The following EFCAB5 variants were observed in gnomAD, a reference collection of about 807,000 sequenced individuals.
EFCAB5 encodes EF-hand calcium binding domain 5, also known as EF-hand calcium-binding domain-containing protein 5.
EFCAB5 carries 131 observed loss-of-function variants against 167.9 expected under a neutral mutation model. The ratio of observed to expected loss-of-function variants is 0.78; its 90% confidence interval spans 0.68 to 0.90. EFCAB5 has a LOEUF of 0.90. Among genes scored for constraint, EFCAB5 ranks in the 40% least tolerant of loss-of-function variants. The pLI is 0.00. For missense variants in EFCAB5, 1,663 were observed against 1,745.2 expected (o/e 0.95, Z 0.84); for synonymous variants, 574 against 602.8 (o/e 0.95, Z 0.70).
At chr17:30,028,903 C>A (rs2069403106) in intron 7 of EFCAB5, among the ~76,000 whole-genome samples, 1 of 152,052 alleles carries the variant, frequency 6.6e-6, no homozygotes, top group Non-Finnish European at 1.5e-5. Flanking sequence ...GATTAGAGCC[C>A]ACCCTATTGA....
chr17:29,983,008 A>T (rs1371762404), intron 4 of EFCAB5, among the ~76,000 whole-genome samples: 1 of 152,248 alleles, frequency 6.6e-6, no homozygotes, highest in Non-Finnish European at 1.5e-5. Context: ...CTTTTGCTGC[A>T]TAACAAAATA....
intron 22 of EFCAB5, among the ~76,000 whole-genome samples, chr17:30,098,360 G>A (rs1173266889): frequency 6.6e-6 from 1 of 151,156 alleles, no homozygotes; most frequent in Non-Finnish European, 1.5e-5. Context: ...CCCTGTCTCT[G>A]CAAAAAACTT....
At chr17:30,099,531 C>T (rs1327391410) in intron 22 of EFCAB5, among the ~76,000 whole-genome samples, 1 of 152,186 alleles carries the variant, frequency 6.6e-6, no homozygotes, top group South Asian at 2.1e-4. Context: ...GTAGAATCAT[C>T]CCTTCATCCC....
At chr17:30,078,113 A>T (rs2070904845) in intron 14 of EFCAB5, 102 bp from the exon 15 acceptor site, 2 of 1,279,814 alleles carry the variant, frequency 1.6e-6, no homozygotes, top group Non-Finnish European at 2.1e-6. Flanking sequence ...CCAGGAGAGC[A>T]GTTGCCCAGG....
chr17:30,065,331 C>T (rs2070534826), intron 14 of EFCAB5, among the ~76,000 whole-genome samples: 1 of 152,056 alleles, frequency 6.6e-6, no homozygotes, highest in African/African-American at 2.4e-5. Context: ...GATTAAATCC[C>T]CCATTTAAAA....
At position 30,054,017 on chromosome 17, in the gene EFCAB5, T is replaced by C; in HGVS notation, c.2063T>C (p.Ile688Thr). 6.2e-7 allele frequency: 1 copy of C among 1,609,456 alleles called. No individual in the cohort carries two copies. The highest frequency in any genetic ancestry group is 8.5e-7 in the Non-Finnish European group (1 of 1,177,342). ...AAAAGTACAAAATATGGGGAACCTA[T>C]AACCTCTGAGTACATTGAAGTCCCT... Reference protein sequence around the residue: ...ILKSTKYGEPITSEYIEVPLQ... With the variant: ...ILKSTKYGEPTTSEYIEVPLQ... Residue 688 changes from isoleucine (I) to threonine (T), a missense_variant, in exon 10 of 23, where the codon ATA becomes ACA. Transcript: ENST00000394835.
intron 18 of EFCAB5, among the ~76,000 whole-genome samples, chr17:30,084,216 C>A (rs137913801): frequency 1.2e-4 from 18 of 152,258 alleles, no homozygotes; most frequent in Non-Finnish European, 2.2e-4. Flanking sequence ...TCAATGAGGG[C>A]AGAATCATGG....
rs925202867 is a variant in EFCAB5 at position 30,057,728 on chromosome 17, A to T, written c.2418A>T (p.Arg806Ser). The change falls in exon 13 of 23, where the codon AGA (arginine) becomes AGT (serine). Residue 806 changes from arginine (R) to serine (S), a missense_variant. By Grantham distance (110) the Arg-to-Ser change is moderately radical. Coordinates refer to ENST00000394835, the MANE Select transcript of EFCAB5 (RefSeq NM_198529.4). ...NIQSCKEVKG[R>S]TAFNGVSFNL... ...AGTCTTGCAAGGAGGTAAAAGGCAG[A>T]ACTGCCTTCAATGGAGTTTCATTCA... 18 of 1,613,720 alleles carry T rather than the reference A, an allele frequency of 1.1e-5. No individual in the cohort carries two copies. The highest frequency in any genetic ancestry group is 1.4e-5 in the Non-Finnish European group (16 of 1,179,746).
intron 7 of EFCAB5, among the ~76,000 whole-genome samples, chr17:30,029,984 G>A (rs2069435781): frequency 6.6e-6 from 1 of 152,130 alleles, no homozygotes; most frequent in African/African-American, 2.4e-5. Context: ...ACTTGACTAA[G>A]TACAGTTCAA....
chr17:30,104,638 C>T (rs1237041116), intron 22 of EFCAB5, among the ~76,000 whole-genome samples: 1 of 151,814 alleles, frequency 6.6e-6, no homozygotes, highest in African/African-American at 2.4e-5. Context: ...TGGGGTCTGT[C>T]GTGGGTCAAG....
In EFCAB5 at chr17:30,034,218, T is replaced by G. The variant is rs943085857; in HGVS notation, c.1045-12T>G. The G allele has an allele frequency of 1.2e-6, 2 of 1,611,776 alleles. No homozygotes were observed. The highest frequency in any genetic ancestry group is 2.7e-5 in the African/African-American group (2 of 74,832). On this transcript the variant is annotated splice_polypyrimidine_tract_variant and intron_variant, in intron 7 of 22. Transcript: ENST00000394835. ...TAAGTCAATCGTTTATCCTCTTTTT[T>G]TTCCCCTGTAGTACATCTCTTCACA...
chr17:29,942,177 G>A, intron 1 of EFCAB5, 63 bp from the exon 2 acceptor site: 10 of 1,354,206 alleles, frequency 7.4e-6, no homozygotes, highest in Non-Finnish European at 9.1e-6. Context: ...ATTAAAGTAT[G>A]AGACAGTAGT....
chr17:30,090,441 C>T lies in EFCAB5; in HGVS notation c.3704C>T (p.Thr1235Ile). The T allele has an allele frequency of 6.2e-7, 1 of 1,613,516 alleles. No individual in the cohort carries two copies. Among genetic ancestry groups the T allele is most frequent in the Admixed American group, 1.7e-5 (1 of 59,872 alleles). ...TTCAGAGATTTCCTCTTTAAATGTA[C>T]TGACAGTTCAGAAGTTGTTCTGGCT... ...CIFRDFLFKC[T>I]DSSEVVLASA... Residue 1235 changes from threonine to isoleucine, a missense_variant, in exon 20 of 23, where the codon ACT becomes ATT. Thr to Ile is a moderately conservative substitution (Grantham distance 89). Coordinates refer to ENST00000394835, the MANE Select transcript of EFCAB5 (RefSeq NM_198529.4).
intron 3 of EFCAB5, among the ~76,000 whole-genome samples, chr17:29,951,999 G>C (rs1310553047): frequency 6.6e-6 from 1 of 152,186 alleles, no homozygotes; most frequent in Non-Finnish European, 1.5e-5. Context: ...AAATAGCATA[G>C]ACTGGGTAAT....
intron 7 of EFCAB5, among the ~76,000 whole-genome samples, chr17:30,020,428 G>A (rs933494218): frequency 1.4e-5 from 2 of 145,534 alleles, no homozygotes; most frequent in African/African-American, 2.5e-5. Flanking sequence ...GCAATGGCAT[G>A]ATCTCGATTC....
At chr17:30,004,358 C>T (rs992002562) in intron 7 of EFCAB5, among the ~76,000 whole-genome samples, 4 of 152,186 alleles carry the variant, frequency 2.6e-5, no homozygotes, top group Non-Finnish European at 1.5e-5. Context: ...CATAAAGATC[C>T]AATTTCCCCA....
At chr17:30,043,486 A>T (rs898345981) in intron 8 of EFCAB5, among the ~76,000 whole-genome samples, 33 of 152,198 alleles carry the variant, frequency 2.2e-4, no homozygotes. Flanking sequence ...AATCTCAAGA[A>T]AAAAGTTGAA....
chr17:29,991,553 C>T (rs775848325), intron 4 of EFCAB5, among the ~76,000 whole-genome samples: 2 of 152,252 alleles, frequency 1.3e-5, no homozygotes, highest in Non-Finnish European at 2.9e-5. Context: ...ACAGATCGCT[C>T]ATGCTATTGT....
intron 14 of EFCAB5, among the ~76,000 whole-genome samples, chr17:30,063,146 T>C (rs2070470208): frequency 6.6e-6 from 1 of 152,172 alleles, no homozygotes; most frequent in African/African-American, 2.4e-5. Context: ...TTTACTGGAC[T>C]CTTAGAGTCT....
Sources: allele counts gnomAD v4.1 joint callset (sites outside exome capture counted in the v4.1 genomes callset), GRCh38; gene constraint gnomAD v4.1.1; transcripts MANE v1.5; gene names NCBI Gene and HGNC (gene_info 2026-07-23, HGNC 2026-07-21).